The following GPC5 variants were observed in gnomAD, a reference collection of about 807,000 sequenced individuals.
The protein encoded by GPC5 is glypican 5, also known as glypican-5.
Under a neutral mutation model 53.9 loss-of-function variants are expected in GPC5, and 47 were observed. The ratio of observed to expected loss-of-function variants is 0.87; its 90% CI spans 0.69 to 1.11. The LOEUF (loss-of-function observed/expected upper bound fraction) is 1.11, where lower values mean the gene tolerates loss of function less well. GPC5 is among the 50% of genes most tolerant of loss of function. GPC5 has a pLI of 0.00. For missense variants in GPC5, 748 were observed against 713.1 expected, an observed-to-expected ratio of 1.05 and a Z score of -0.56; for synonymous variants, 286 against 263.3, an observed-to-expected ratio of 1.09 and a Z score of -0.84.
chr13:91,777,894 T>C (rs534989052), intron 5 of GPC5, among the ~76,000 whole-genome samples: 2 of 152,152 alleles, frequency 1.3e-5, no homozygotes, highest in African/African-American at 4.8e-5. Flanking sequence ...CAGTGGCATA[T>C]GTTTAGCTGT....
intron 7 of GPC5, among the ~76,000 whole-genome samples, chr13:92,731,889 T>G (rs904271701): frequency 4.0e-5 from 6 of 151,452 alleles, no homozygotes; most frequent in Admixed American, 6.6e-5. Context: ...TTCTTTGAAT[T>G]TGGAGAGCTA....
At chr13:91,689,220 TA>T (rs2035697161) in intron 2 of GPC5, among the ~76,000 whole-genome samples, 2 of 117,124 alleles carry the variant, frequency 1.7e-5, no homozygotes, top group African/African-American at 7.8e-5. Flanking sequence ...TATATATATA[TA>T]TATATATATA....
At chr13:92,416,452 C>T (rs981510848) in intron 7 of GPC5, among the ~76,000 whole-genome samples, 19 of 152,148 alleles carry the variant, frequency 1.2e-4, no homozygotes, top group African/African-American at 4.6e-4. Flanking sequence ...TCAACAAGAG[C>T]TAAGACAAAG....
intron 5 of GPC5, among the ~76,000 whole-genome samples, chr13:91,812,653 G>C (rs191080433): frequency 6.6e-6 from 1 of 152,086 alleles, no homozygotes; most frequent in African/African-American, 2.4e-5. Flanking sequence ...ATATTCTTCA[G>C]TATTTCACAG....
At chr13:91,555,015 C>T (rs932394452) in intron 2 of GPC5, among the ~76,000 whole-genome samples, 10 of 152,088 alleles carry the variant, frequency 6.6e-5, no homozygotes, top group Non-Finnish European at 2.9e-5. Context: ...AGAACAGTAT[C>T]TTCCTTTCTT....
chr13:91,469,274 C>T (rs952177316), intron 2 of GPC5, among the ~76,000 whole-genome samples: 1 of 151,870 alleles, frequency 6.6e-6, no homozygotes, highest in African/African-American at 2.4e-5. Context: ...ATGTCCAGCT[C>T]ATTTTTGTAT....
At chr13:92,126,170 G>T (rs9516015) in intron 6 of GPC5, among the ~76,000 whole-genome samples, 2 of 151,864 alleles carry the variant, frequency 1.3e-5, no homozygotes, top group African/African-American at 2.4e-5. Context: ...GGTCAGGCTG[G>T]TCTTGAACTC....
At chr13:92,768,687 G>A (rs952612210) in intron 7 of GPC5, among the ~76,000 whole-genome samples, 46 of 151,522 alleles carry the variant, frequency 3.0e-4, no homozygotes, top group Admixed American at 5.3e-4. Flanking sequence ...GCCAATTCCC[G>A]AAGCTGGCCA....
chr13:91,984,604 T>A (rs2040390154), intron 6 of GPC5, among the ~76,000 whole-genome samples: 1 of 152,216 alleles, frequency 6.6e-6, no homozygotes, highest in Admixed American at 6.5e-5. Context: ...CTTTTAATAC[T>A]AGTTATTTTT....
intron 7 of GPC5, among the ~76,000 whole-genome samples, chr13:92,495,900 A>AT (rs774778488): frequency 2.6e-5 from 4 of 152,012 alleles, no homozygotes; most frequent in Non-Finnish European, 4.4e-5. Context: ...CCTGCTTGAC[A>AT]TTTAGAGTTA....
chr13:92,338,482 A>C (rs559417007), intron 7 of GPC5, among the ~76,000 whole-genome samples: 1 of 152,270 alleles, frequency 6.6e-6, no homozygotes, highest in South Asian at 2.1e-4. Flanking sequence ...TTTGTAATTG[A>C]CAAAATCTGG....
chr13:92,809,450 C>A (rs1238911070), intron 7 of GPC5, among the ~76,000 whole-genome samples: 7 of 152,220 alleles, frequency 4.6e-5, no homozygotes, highest in Admixed American at 1.3e-4. Flanking sequence ...AGCTGTGGTA[C>A]ACTTGTCAAA....
At chr13:92,579,502 G>C (rs1479032749) in intron 7 of GPC5, among the ~76,000 whole-genome samples, 1 of 151,872 alleles carries the variant, frequency 6.6e-6, no homozygotes, top group African/African-American at 2.4e-5. Flanking sequence ...TCACCAGTTA[G>C]CTTGCTGAAC....
At chr13:91,788,118 A>G (rs1490828300) in intron 5 of GPC5, among the ~76,000 whole-genome samples, 1 of 152,208 alleles carries the variant, frequency 6.6e-6, no homozygotes, top group Non-Finnish European at 1.5e-5. Flanking sequence ...GGGTGACTTA[A>G]AACAACAAAT....
At chr13:92,123,725 A>G (rs539848886) in intron 6 of GPC5, among the ~76,000 whole-genome samples, 2 of 152,344 alleles carry the variant, frequency 1.3e-5, no homozygotes, top group African/African-American at 4.8e-5. Flanking sequence ...GACAAAATTT[A>G]TGAATGCCCT....
chr13:91,756,880 G>C (rs1049572283), intron 5 of GPC5, among the ~76,000 whole-genome samples: 1 of 152,040 alleles, frequency 6.6e-6, no homozygotes, highest in Non-Finnish European at 1.5e-5. Flanking sequence ...GATAGAAAGA[G>C]AGCATGCAAG....
At chr13:92,295,822 C>A (rs908926867) in intron 7 of GPC5, among the ~76,000 whole-genome samples, 2 of 152,012 alleles carry the variant, frequency 1.3e-5, no homozygotes, top group Admixed American at 1.3e-4. Flanking sequence ...TCTTTTTCTA[C>A]CCCCTTTACC....
intron 7 of GPC5, among the ~76,000 whole-genome samples, chr13:92,518,426 C>G (rs1880881642): frequency 6.6e-6 from 1 of 152,166 alleles, no homozygotes; most frequent in South Asian, 2.1e-4. Flanking sequence ...AACAGCAGAT[C>G]TCTCGGCAGA....
At chr13:92,458,825 G>A (rs1878373988) in intron 7 of GPC5, among the ~76,000 whole-genome samples, 2 of 152,032 alleles carry the variant, frequency 1.3e-5, no homozygotes, top group South Asian at 4.1e-4. Context: ...CCTTATTACG[G>A]TCATCATCAC....
Sources: allele counts gnomAD v4.1 joint callset (sites outside exome capture counted in the v4.1 genomes callset), GRCh38; gene constraint gnomAD v4.1.1; transcripts MANE v1.5; gene names NCBI Gene and HGNC (gene_info 2026-07-23, HGNC 2026-07-21).